ZCCHC2: variants seen among roughly 807,000 people sequenced by gnomAD.
The protein encoded by ZCCHC2 is zinc finger CCHC-type containing 2.
ZCCHC2 carries 39 observed loss-of-function variants against 103.6 expected under a neutral mutation model. The observed-to-expected ratio is 0.38, with a 90% CI of 0.29 to 0.49. ZCCHC2 has a LOEUF of 0.49. Among genes scored for constraint, ZCCHC2 ranks in the 20% least tolerant of loss-of-function variants. ZCCHC2 has a pLI of 0.96. For missense variants in ZCCHC2, 1,483 were observed against 1,491.0 expected, an observed-to-expected ratio of 0.99 and a Z score of 0.09; for synonymous variants, 687 against 608.9, an observed-to-expected ratio of 1.13 and a Z score of -1.89.
intron 8 of ZCCHC2, among the ~76,000 whole-genome samples, chr18:62,562,246 C>T (rs1353601495): frequency 3.3e-5 from 5 of 152,184 alleles, no homozygotes; most frequent in Non-Finnish European, 7.3e-5. Flanking sequence ...AGGTGATCCA[C>T]CCACCTCAGC....
At chr18:62,585,577 G>C (rs1406522404) in exon 15 of ZCCHC2, 1 of 152,188 alleles carries the variant, frequency 6.6e-6, no homozygotes, top group Non-Finnish European at 1.5e-5. Flanking sequence ...TAACTTAATT[G>C]TGCCTTCCAC....
intron 1 of ZCCHC2, chr18:62,526,144 G>A (rs1269985581): frequency 6.6e-6 from 1 of 152,156 alleles, no homozygotes; most frequent in Non-Finnish European, 1.5e-5. Context: ...AGAGAAAGGG[G>A]AGGGATGCAT....
intron 4 of ZCCHC2, among the ~76,000 whole-genome samples, 198 bp from the exon 5 acceptor site, chr18:62,550,150 A>C (rs1356541496): frequency 1.3e-5 from 2 of 152,226 alleles, no homozygotes; most frequent in Admixed American, 1.3e-4. Flanking sequence ...GTTCAGTCAG[A>C]AGATGGTGCA....
In ZCCHC2 at chr18:62,523,376, G is replaced by GCCCCCC; in HGVS notation, c.-45_-44insCCCCCC. 2 of 1,012,350 alleles carry GCCCCCC rather than the reference G, an allele frequency of 2.0e-6. No individual in the cohort carries two copies. The highest frequency in any genetic ancestry group is 2.4e-6 in the Non-Finnish European group (2 of 848,986). The allele number at this position is 1,012,350 out of a possible 1,614,324, so 62.7% of individuals were successfully genotyped here. On this transcript the variant is annotated 5_prime_UTR_variant, in exon 1 of 14. Transcript: ENST00000269499. ...GCCTCGGCCCGTGCTCCACCTCGCG[G>GCCCCCC]CCCCTCCCGCCCGCCCCCGCTCGCA...
chr18:62,584,829 G>A (rs1252647571), exon 15 of ZCCHC2: 5 of 152,314 alleles, frequency 3.3e-5, no homozygotes, highest in Non-Finnish European at 7.3e-5. Flanking sequence ...GGTTCAGTGA[G>A]ACGAAGTGCT....
chr18:62,566,007 G>A (rs1261785541), intron 11 of ZCCHC2, among the ~76,000 whole-genome samples: 2 of 152,192 alleles, frequency 1.3e-5, no homozygotes, highest in African/African-American at 4.8e-5. Context: ...CACTTTGAGA[G>A]GCCAAGGTGA....
At chr18:62,585,890 C>CT (rs1917157989) in exon 15 of ZCCHC2, 1 of 152,236 alleles carries the variant, frequency 6.6e-6, no homozygotes. Flanking sequence ...GGCACAAAGG[C>CT]TAAGAAGTCG....
At chr18:62,560,703 A>G (rs1167647102) in intron 8 of ZCCHC2, 59 bp downstream of exon 8, 1 of 1,317,678 alleles carries the variant, frequency 7.6e-7, no homozygotes, top group African/African-American at 1.5e-5. Context: ...TCAATGTAAC[A>G]TTTAATTAAA....
intron 3 of ZCCHC2, among the ~76,000 whole-genome samples, chr18:62,543,078 G>A (rs754705697): frequency 2.3e-4 from 35 of 152,042 alleles, no homozygotes; most frequent in Non-Finnish European, 4.3e-4. Flanking sequence ...CTTCTTGCCC[G>A]TCAGCTGTAT....
intron 13 of ZCCHC2, 150 bp downstream of exon 13, chr18:62,575,700 A>C: frequency 9.9e-7 from 1 of 1,010,524 alleles, no homozygotes; most frequent in Admixed American, 2.8e-5. Context: ...ATAAAATGCA[A>C]CTGGAAAAAC....
Position 62,575,492 on chromosome 18 carries a change from T to G in ZCCHC2, c.3411T>G (p.Gly1137=). ...GGAATGTCTCATGTTACAATTGTGG[T>G]GTAAGCGGACACTATGCACAGGACT... ...KNGNVSCYNC[G]VSGHYAQDCK... The change falls in exon 13 of 14, where the codon GGT becomes GGG. Residue 1137 remains glycine (G), a synonymous_variant. Transcript: ENST00000269499. The G allele has an allele frequency of 1.9e-6, 3 of 1,614,040 alleles. No individual in the cohort carries two copies. Among genetic ancestry groups the G allele is most frequent in the Non-Finnish European group, 1.7e-6 (2 of 1,179,898 alleles).
intron 4 of ZCCHC2, among the ~76,000 whole-genome samples, chr18:62,549,286 G>A (rs1222453584): frequency 6.6e-6 from 1 of 152,146 alleles, no homozygotes; most frequent in Non-Finnish European, 1.5e-5. Flanking sequence ...CAGCGGGTGT[G>A]TAGAATGCCG....
At chr18:62,524,516 C>G (rs1914259051) in intron 1 of ZCCHC2, 153 bp downstream of exon 1, 3 of 1,241,066 alleles carry the variant, frequency 2.4e-6, no homozygotes, top group Non-Finnish European at 3.2e-6. Flanking sequence ...GAGGGCTGAG[C>G]TTCGTCTCGC....
chr18:62,569,980 T>TA, intron 11 of ZCCHC2, 123 bp from the exon 12 acceptor site: 1 of 917,918 alleles, frequency 1.1e-6, no homozygotes, highest in Non-Finnish European at 1.6e-6. Flanking sequence ...AAGGACAAGC[T>TA]TTTTTAGATG....
intron 4 of ZCCHC2, among the ~76,000 whole-genome samples, chr18:62,545,649 A>C (rs564718701): frequency 2.4e-3 from 367 of 152,344 alleles, no homozygotes; most frequent in Middle Eastern, 6.8e-3. Flanking sequence ...ATGGTTGATA[A>C]ATTATTCTTT....
intron 1 of ZCCHC2, among the ~76,000 whole-genome samples, chr18:62,528,599 G>GAAAA (rs11409827): frequency 6.9e-6 from 1 of 144,904 alleles, no homozygotes. Flanking sequence ...ACTGTCTCGG[G>GAAAA]AAAAAAAAAA....
chr18:62,585,636 G>C (rs1917150387), exon 15 of ZCCHC2: 1 of 152,212 alleles, frequency 6.6e-6, no homozygotes, highest in African/African-American at 2.4e-5. Context: ...CACAGTCCAT[G>C]TGACCTTTCT....
At chr18:62,546,176 T>C (rs1915398037) in intron 4 of ZCCHC2, among the ~76,000 whole-genome samples, 1 of 152,158 alleles carries the variant, frequency 6.6e-6, no homozygotes, top group Non-Finnish European at 1.5e-5. Flanking sequence ...TCTGGACACC[T>C]TGGGGAGAGA....
In ZCCHC2 at chr18:62,539,716, C is replaced by T. The variant is rs774479120; in HGVS notation, c.975C>T (p.Asn325=). 7.2e-5 allele frequency: 115 copies of T among 1,602,638 alleles called. No homozygotes were observed. The highest frequency in any genetic ancestry group is 9.0e-5 in the Non-Finnish European group (106 of 1,174,508). ...CTCATGGTGATTACATGCAAAATAA[C>T]GAGAGCAGCTTAATAGAGCAAGCTC... The part of the protein sequence containing the change: ...NSAHGDYMQN[N]ESSLIEQAPI... The change falls in exon 2 of 14, where the codon AAC becomes AAT. Residue 325 remains asparagine (N), a synonymous_variant. Transcript: ENST00000269499.
Sources: allele counts gnomAD v4.1 joint callset (sites outside exome capture counted in the v4.1 genomes callset), GRCh38; gene constraint gnomAD v4.1.1; transcripts MANE v1.5; gene names NCBI Gene and HGNC (gene_info 2026-07-23, HGNC 2026-07-21).